The following TESC variants were observed in gnomAD, a reference collection of about 807,000 sequenced individuals.
TESC encodes calcineurin B homologous protein 3.
A neutral mutation model predicts 31.0 loss-of-function variants in TESC; 19 were observed. The ratio of observed to expected loss-of-function variants is 0.61; its 90% CI spans 0.43 to 0.90. The LOEUF (loss-of-function observed/expected upper bound fraction) is 0.90. Among genes scored for constraint, TESC ranks in the 40% least tolerant of loss-of-function variants. The pLI is 0.00. For missense variants in TESC, 248 were observed against 303.8 expected (o/e 0.82, Z 1.36); for synonymous variants, 109 against 114.8 (o/e 0.95, Z 0.32).
intron 1 of TESC, among the ~76,000 whole-genome samples, chr12:117,097,389 G>A (rs1024236933): frequency 1.3e-5 from 2 of 152,174 alleles, no homozygotes; most frequent in Admixed American, 1.3e-4. Flanking sequence ...CTCCCAGCAT[G>A]CTCTGCAGCC....
chr12:117,085,853 G>A (rs1471358309), intron 1 of TESC, among the ~76,000 whole-genome samples: 1 of 152,158 alleles, frequency 6.6e-6, no homozygotes, highest in Admixed American at 6.5e-5. Context: ...TTGTGAGGTT[G>A]TTCATGTCAT....
chr12:117,047,781 G>T (rs942594403), intron 4 of TESC, among the ~76,000 whole-genome samples: 9 of 151,896 alleles, frequency 5.9e-5, no homozygotes, highest in African/African-American at 2.2e-4. Context: ...TCACTCTGTC[G>T]CACAGGCTGA....
At chr12:117,075,941 GTATATATACATATATATATATA>G (rs1565971766) in intron 1 of TESC, among the ~76,000 whole-genome samples, 2 of 55,156 alleles carry the variant, frequency 3.6e-5, no homozygotes, top group African/African-American at 1.8e-4. Context: ...ATATATATAT[GTATATATACATATATATATATA>G]TATGTATGTA....
At chr12:117,071,899 C>A (rs151026777) in intron 2 of TESC, among the ~76,000 whole-genome samples, 1 of 152,122 alleles carries the variant, frequency 6.6e-6, no homozygotes, top group East Asian at 1.9e-4. Context: ...TGCTGGGCAA[C>A]GGAGGCACTT....
chr12:117,097,052 C>A (rs563666913), intron 1 of TESC, among the ~76,000 whole-genome samples: 47 of 152,320 alleles, frequency 3.1e-4, no homozygotes, highest in African/African-American at 1.1e-3. Flanking sequence ...CTGTGTGTCC[C>A]CCTCCAGGAA....
chr12:117,040,870 T>C (rs12305844), intron 7 of TESC, among the ~76,000 whole-genome samples: 63 of 152,352 alleles, frequency 4.1e-4, no homozygotes, highest in African/African-American at 1.5e-3. Context: ...AGTCCCCCAG[T>C]CCTGCTCTAG....
chr12:117,075,682 G>A lies in TESC; in HGVS notation c.59-342C>T, dbSNP rs114355111. Among the ~76,000 whole-genome samples, 1,301 of 150,764 alleles carry A rather than the reference G, an allele frequency of 8.6e-3. 23 individuals are homozygous for A. Among genetic ancestry groups the A allele is most frequent in the African/African-American group, 0.03 (1,233 of 40,980 alleles). On this transcript the variant is annotated intron_variant, in intron 1 of 7. Coordinates refer to ENST00000335209, the MANE Select transcript of TESC (RefSeq NM_017899.4). Reference sequence around the variant, plus strand: ...GAGAAACTTTGTTTTCTGTGGCAGGGTTTCACTTCCATCACTCAGGCTGGA... The same window carrying A: ...GAGAAACTTTGTTTTCTGTGGCAGGATTTCACTTCCATCACTCAGGCTGGA...
At chr12:117,064,362 G>A (rs898507056) in intron 2 of TESC, among the ~76,000 whole-genome samples, 17 of 152,198 alleles carry the variant, frequency 1.1e-4, no homozygotes, top group African/African-American at 3.6e-4. Context: ...GAAAGGCCTG[G>A]TCCTTTTTGC....
chr12:117,064,737 CAGAA>C (rs1243317417), intron 2 of TESC, among the ~76,000 whole-genome samples: 1 of 152,142 alleles, frequency 6.6e-6, no homozygotes, highest in African/African-American at 2.4e-5. Flanking sequence ...AGGTTGACCA[CAGAA>C]AGGCCACAGG....
At chr12:117,079,157 T>A (rs1453971698) in intron 1 of TESC, among the ~76,000 whole-genome samples, 1 of 152,180 alleles carries the variant, frequency 6.6e-6, no homozygotes, top group Non-Finnish European at 1.5e-5. Context: ...TTCTTTTTTT[T>A]ATTTGTCTGT....
In TESC at chr12:117,048,584, G is replaced by A. The variant is rs2291913; in HGVS notation, c.349+435C>T. ...AGCAATAGCACAGCCCATGGAGGAG[G>A]GAGAGGAGGAAACTGACTTTAGGGA... is the stretch of plus-strand genomic sequence containing the variant. On this transcript the variant is annotated intron_variant, in intron 4 of 7. Coordinates refer to ENST00000335209, the MANE Select transcript of TESC (RefSeq NM_017899.4). 3,663 of 405,984 alleles carry A rather than the reference G, an allele frequency of 9.0e-3. 255 individuals are homozygous for A. The East Asian group carries it at 0.19, about 21-fold the overall frequency. 25.1% of individuals were successfully genotyped at this position (405,984 alleles called of 1,614,324 possible). A position where few individuals can be genotyped will look rare whatever the true frequency, so the allele number is the denominator to read the frequency against.
intron 1 of TESC, among the ~76,000 whole-genome samples, chr12:117,092,536 A>T (rs1955327046): frequency 6.6e-6 from 1 of 152,216 alleles, no homozygotes; most frequent in Admixed American, 6.5e-5. Context: ...AGGGTTCCAG[A>T]GGCTGGGGGG....
intron 2 of TESC, among the ~76,000 whole-genome samples, chr12:117,066,200 C>CTTTTTTTTTTTTGTTTTTTTTTTTT (rs1954876719): frequency 1.6e-5 from 1 of 62,964 alleles, no homozygotes; most frequent in African/African-American, 8.5e-5. Flanking sequence ...CTTCCTTTAG[C>CTTTTTTTTTTTTGTTTTTTTTTTTT]TTTTTTTTTT....
Position 117,039,005 on chromosome 12 carries a change from G to A in TESC, c.*128C>T, listed in dbSNP as rs1954440734. ...TACCATACCCTACAAGACACAAGGT[G>A]CGCAGACGAGCCTTGGCTATGTACC... On this transcript the variant is annotated 3_prime_UTR_variant, in exon 8 of 8. Transcript: ENST00000335209. The A allele has an allele frequency of 3.2e-6, 3 of 925,216 alleles. No homozygotes were observed. The highest frequency in any genetic ancestry group is 5.3e-5 in the East Asian group (2 of 37,646). The allele number at this position is 925,216 out of a possible 1,614,324, so 57.3% of individuals were successfully genotyped here. A position where few individuals can be genotyped will look rare whatever the true frequency, so the allele number is the denominator to read the frequency against.
chr12:117,048,028 A>C (rs1436005695), intron 4 of TESC, among the ~76,000 whole-genome samples: 2 of 152,128 alleles, frequency 1.3e-5, no homozygotes, highest in Non-Finnish European at 2.9e-5. Context: ...ACAGGAGTGC[A>C]CCACTGAGCC....
intron 7 of TESC, 144 bp from the exon 8 acceptor site, chr12:117,039,354 T>C (rs1954448776): frequency 1.3e-6 from 1 of 754,352 alleles, no homozygotes; most frequent in Non-Finnish European, 2.2e-6. Context: ...GAGGGCTGTG[T>C]TTCAAGACTA....
intron 1 of TESC, among the ~76,000 whole-genome samples, chr12:117,089,729 G>A (rs1955280661): frequency 6.6e-6 from 1 of 151,998 alleles, no homozygotes; most frequent in African/African-American, 2.4e-5. Context: ...AAGAAAATAT[G>A]AAAGAAAGAT....
At chr12:117,072,767 C>A (rs1463798001) in intron 2 of TESC, among the ~76,000 whole-genome samples, 1 of 152,118 alleles carries the variant, frequency 6.6e-6, no homozygotes, top group Non-Finnish European at 1.5e-5. Context: ...AAGCACCTGG[C>A]GCAGAGCAGA....
In TESC at chr12:117,039,020, G is replaced by C; in HGVS notation, c.*113C>G. 1 of 1,173,088 alleles carries C rather than the reference G, an allele frequency of 8.5e-7. No homozygotes were observed. Among genetic ancestry groups the C allele is most frequent in the South Asian group, 1.3e-5 (1 of 75,228 alleles). 72.7% of individuals were successfully genotyped at this position (1,173,088 alleles called of 1,614,324 possible). A position where few individuals can be genotyped will look rare whatever the true frequency, so the allele number is the denominator to read the frequency against. On this transcript the variant is annotated 3_prime_UTR_variant, in exon 8 of 8. Transcript: ENST00000335209. ...GACACAAGGTGCGCAGACGAGCCTT[G>C]GCTATGTACCGGCGCTGCAGGAAGA...
Sources: allele counts gnomAD v4.1 joint callset (sites outside exome capture counted in the v4.1 genomes callset), GRCh38; gene constraint gnomAD v4.1.1; transcripts MANE v1.5; gene names NCBI Gene and HGNC (gene_info 2026-07-23, HGNC 2026-07-21).